The following SHISA6 variants were observed in gnomAD, a reference collection of about 807,000 sequenced individuals.
SHISA6 encodes shisa family member 6, also known as protein shisa-6.
SHISA6 carries 22 observed loss-of-function variants against 47.9 expected under a neutral mutation model. That is an observed-to-expected ratio of 0.46 (90% CI 0.33 to 0.66). The LOEUF is 0.66. Among genes scored for constraint, SHISA6 ranks in the 30% least tolerant of loss-of-function variants. SHISA6 has a pLI of 0.02. For missense variants in SHISA6, 680 were observed against 764.6 expected (o/e 0.89, Z 1.30); for synonymous variants, 388 against 337.8 (o/e 1.15, Z -1.63).
At chr17:11,383,148 G>T (rs752165507) in intron 3 of SHISA6, among the ~76,000 whole-genome samples, 2 of 152,022 alleles carry the variant, frequency 1.3e-5, no homozygotes, top group Non-Finnish European at 2.9e-5. Context: ...ATGTTGGCCA[G>T]GCTGGTCTCA....
chr17:11,339,041 GA>G lies in SHISA6; in HGVS notation c.800-40362del, dbSNP rs577507925. Among the ~76,000 whole-genome samples, 500 of 144,510 alleles carry G rather than the reference GA, an allele frequency of 3.5e-3. 1 individual carries two copies. The highest frequency in any genetic ancestry group is 0.011 in the Middle Eastern group (3 of 278). The allele number at this position is 144,510 out of a possible 152,430, so 94.8% of individuals were successfully genotyped here. On this transcript the variant is annotated intron_variant, in intron 2 of 5. Transcript: ENST00000441885. The stretch of plus-strand genomic sequence containing the variant: ...TGTGCCCAGCAACAGAGAGTTCATT[GA>G]AAAAAAAAAATCCAAAATGTGTGTA...
intron 2 of SHISA6, among the ~76,000 whole-genome samples, chr17:11,373,558 C>T (rs1912696017): frequency 6.6e-6 from 1 of 152,106 alleles, no homozygotes. Flanking sequence ...CAATGAATTT[C>T]TTTGTATCTG....
chr17:11,487,013 C>T (rs1261921313), intron 3 of SHISA6, among the ~76,000 whole-genome samples: 2 of 152,200 alleles, frequency 1.3e-5, no homozygotes, highest in Non-Finnish European at 2.9e-5. Context: ...ATGTGTTGTC[C>T]ATGGTCACTT....
intron 3 of SHISA6, among the ~76,000 whole-genome samples, chr17:11,455,192 AC>A (rs201288075): frequency 0.014 from 2,056 of 151,838 alleles, 55 homozygotes; most frequent in African/African-American, 0.047. Context: ...AAACAAACAA[AC>A]AAAAAAAACA....
At chr17:11,375,417 C>G (rs771498761) in intron 2 of SHISA6, among the ~76,000 whole-genome samples, 21 of 152,248 alleles carry the variant, frequency 1.4e-4, no homozygotes, top group Non-Finnish European at 2.8e-4. Context: ...TATCCGTTCT[C>G]TAGTCCAGAT....
intron 3 of SHISA6, among the ~76,000 whole-genome samples, chr17:11,469,621 G>C (rs1386196663): frequency 6.6e-6 from 1 of 152,172 alleles, no homozygotes; most frequent in African/African-American, 2.4e-5. Context: ...TGATCTAAAT[G>C]AGCCTCGTGG....
At chr17:11,350,746 C>T (rs1292704227) in intron 2 of SHISA6, among the ~76,000 whole-genome samples, 1 of 151,950 alleles carries the variant, frequency 6.6e-6, no homozygotes, top group East Asian at 1.9e-4. Flanking sequence ...CATGCCATTC[C>T]CTCACTCAAA....
At chr17:11,398,886 G>A (rs780990902) in intron 3 of SHISA6, among the ~76,000 whole-genome samples, 6 of 151,762 alleles carry the variant, frequency 4.0e-5, no homozygotes, top group East Asian at 3.9e-4. Flanking sequence ...CCACCACACC[G>A]GGTCCCAATA....
intron 3 of SHISA6, among the ~76,000 whole-genome samples, chr17:11,394,998 CTTTT>C (rs772109588): frequency 1.1e-5 from 1 of 95,070 alleles, no homozygotes; most frequent in South Asian, 3.6e-4. Context: ...TTTTTCTTTT[CTTTT>C]TTTTTTTTTT....
intron 2 of SHISA6, among the ~76,000 whole-genome samples, chr17:11,304,429 T>C (rs1243898131): frequency 2.0e-5 from 3 of 152,068 alleles, no homozygotes; most frequent in South Asian, 4.1e-4. Flanking sequence ...TGAGCCTTGC[T>C]CTGTGAGGTG....
At chr17:11,338,487 T>C (rs1393052739) in intron 2 of SHISA6, among the ~76,000 whole-genome samples, 2 of 152,112 alleles carry the variant, frequency 1.3e-5, no homozygotes, top group Non-Finnish European at 2.9e-5. Flanking sequence ...CTGCAACCTC[T>C]GCCTCCAGGG....
At chr17:11,471,270 A>G (rs1466361411) in intron 3 of SHISA6, among the ~76,000 whole-genome samples, 1 of 151,688 alleles carries the variant, frequency 6.6e-6, no homozygotes, top group Non-Finnish European at 1.5e-5. Context: ...GAGAAGGCAG[A>G]GAAAGGCCAT....
At chr17:11,483,162 G>A (rs1003595776) in intron 3 of SHISA6, among the ~76,000 whole-genome samples, 2 of 152,076 alleles carry the variant, frequency 1.3e-5, no homozygotes, top group Non-Finnish European at 1.5e-5. Flanking sequence ...TTAGCTGGGT[G>A]TGGTGGCACG....
intron 3 of SHISA6, among the ~76,000 whole-genome samples, chr17:11,529,120 GAGGC>G (rs2071711712): frequency 1.3e-5 from 2 of 151,880 alleles, no homozygotes; most frequent in Non-Finnish European, 2.9e-5. Flanking sequence ...GTGAACCCAG[GAGGC>G]AGAGTTTGCA....
intron 2 of SHISA6, among the ~76,000 whole-genome samples, chr17:11,317,820 TTTA>T (rs1371175703): frequency 1.4e-5 from 2 of 147,206 alleles, no homozygotes; most frequent in Non-Finnish European, 3.0e-5. Context: ...AATTCTTTAT[TTTA>T]TTATTCTAGA....
At chr17:11,282,686 C>A (rs2005815) in intron 2 of SHISA6, among the ~76,000 whole-genome samples, 138,657 of 152,140 alleles carry the variant, frequency 0.91, 63,541 homozygotes, top group East Asian at 1. Flanking sequence ...GCTGAGAATG[C>A]TGGTTTCCAG....
chr17:11,455,654 G>A (rs1228330392), intron 3 of SHISA6, among the ~76,000 whole-genome samples: 2 of 152,106 alleles, frequency 1.3e-5, no homozygotes, highest in Non-Finnish European at 1.5e-5. Flanking sequence ...AGGAGTAAAG[G>A]TTCTCACCCC....
Position 11,560,932 on chromosome 17 carries a change from GGGAGGGGA to G in SHISA6, c.*2635_*2642del, listed in dbSNP as rs900090954. The G allele has an allele frequency of 8.6e-5, 13 of 152,042 alleles. No homozygotes were observed. The highest frequency in any genetic ancestry group is 2.9e-4 in the African/African-American group (12 of 41,380). 9.4% of individuals were successfully genotyped at this position (152,042 alleles called of 1,614,324 possible). A position where few individuals can be genotyped will look rare whatever the true frequency, so the allele number is the denominator to read the frequency against. On this transcript the variant is annotated 3_prime_UTR_variant, in exon 6 of 6. Transcript: ENST00000441885. ...ATGAAGGGAGGGAGAGAGGGAGGGA[GGGAGGGGA>G]GGAGGGAAGAAAAAAGAAGTAGAGA...
rs1222439342 is a variant in SHISA6 at position 11,379,416 on chromosome 17, C to T, written c.802C>T (p.His268Tyr). 2 of 1,536,406 alleles carry T rather than the reference C, an allele frequency of 1.3e-6. No individual in the cohort carries two copies. The highest frequency in any genetic ancestry group is 1.8e-6 in the Non-Finnish European group (2 of 1,140,212). Residue 268 changes from histidine to tyrosine, a missense_variant and splice_region_variant, in exon 3 of 6, where the codon CAT (histidine) becomes TAT (tyrosine). Physicochemically the swap from His to Tyr is moderately conservative, Grantham distance 83 (BLOSUM62 2). Transcript: ENST00000441885. ...AATTCTGCCCCATCTTCTTGCAGGG[C>T]ATTATGGGAAGGATGCTTACCGAAG... ...PVRTAKQTPG[H>Y]YGKDAYRSGG...
Sources: allele counts gnomAD v4.1 joint callset (sites outside exome capture counted in the v4.1 genomes callset), GRCh38; gene constraint gnomAD v4.1.1; transcripts MANE v1.5; gene names NCBI Gene and HGNC (gene_info 2026-07-23, HGNC 2026-07-21).